ZNF397: variants seen among roughly 807,000 people sequenced by gnomAD.
The protein encoded by ZNF397 is zinc finger and SCAN domain-containing protein 15.
ZNF397 carries 38 observed loss-of-function variants against 50.6 expected under a neutral mutation model. The ratio of observed to expected loss-of-function variants is 0.75; its 90% CI spans 0.58 to 0.98. The LOEUF (loss-of-function observed/expected upper bound fraction) is 0.98. Ranked by LOEUF, ZNF397 falls within the 50% of genes least tolerant of loss-of-function variation. The probability of loss-of-function intolerance (pLI) is 0.00; values close to 1 mark genes in which losing one functional copy is unlikely to be tolerated. For synonymous variants in ZNF397, 228 were observed against 215.2 expected (o/e 1.06, Z -0.52); for missense variants, 624 against 624.1 (o/e 1.00, Z 0.00).
chr18:35,252,735 C>G (rs1447244482), downstream of ZNF397: 7 of 152,172 alleles, frequency 4.6e-5, no homozygotes, highest in Admixed American at 4.6e-4. Context: ...ACTTACCACA[C>G]TTTACTGTAA....
Position 35,248,703 on chromosome 18 carries a change from G to A in ZNF397, c.*2393G>A, listed in dbSNP as rs953611819. The A allele has an allele frequency of 4.6e-5, 7 of 152,180 alleles. No individual in the cohort carries two copies. Among genetic ancestry groups the A allele is most frequent in the Middle Eastern group, 3.4e-3 (1 of 294 alleles). 9.4% of individuals were successfully genotyped at this position (152,180 alleles called of 1,614,324 possible). ...AAAAAATAAACAGAATTTGCCAGAC[G>A]TGGTAGTGCATGCCTGTAGACCCAA... On this transcript the variant is annotated 3_prime_UTR_variant, in exon 4 of 4. Coordinates refer to ENST00000330501, the MANE Select transcript of ZNF397 (RefSeq NM_001135178.3).
chr18:35,245,864 CA>C lies in ZNF397; in HGVS notation c.1160del (p.His387LeufsTer54). ...AFSQSSYLII[H>X]QRIHTGEKPY... is the part of the protein sequence containing the mutation. ...CAGTCAAAGTTCATATCTCATTATA[CA>C]TCAAAGAATTCACACTGGTGAGAAA... On this transcript the variant is annotated frameshift_variant, in exon 4 of 4. Transcript: ENST00000330501. LOFTEE classifies it high-confidence loss of function. The C allele has an allele frequency of 6.4e-7, 1 of 1,554,948 alleles. No homozygotes were observed. Among genetic ancestry groups the C allele is most frequent in the Non-Finnish European group, 8.7e-7 (1 of 1,148,946 alleles).
At chr18:35,258,043 A>T (rs1037119979) in exon 6 of ZNF397, 2 of 777,560 alleles carry the variant, frequency 2.6e-6, no homozygotes, top group African/African-American at 3.4e-5. Context: ...GAAACTTATA[A>T]CTCAAGGTTG....
intron 3 of ZNF397, among the ~76,000 whole-genome samples, chr18:35,245,019 GA>G (rs1233873633): frequency 6.6e-6 from 1 of 151,976 alleles, no homozygotes; most frequent in East Asian, 1.9e-4. Flanking sequence ...GTAAATAGTA[GA>G]AAAAAATTGT....
rs892226643 is a variant in ZNF397 at position 35,247,638 on chromosome 18, T to G, written c.*1328T>G. Reference sequence around the variant, plus strand: ...CGCACATGTTCAGTTTTGTCTTATGTCACCAGTATTTCACAATATCTTTTG... The same window carrying G: ...CGCACATGTTCAGTTTTGTCTTATGGCACCAGTATTTCACAATATCTTTTG... On this transcript the variant is annotated 3_prime_UTR_variant, in exon 4 of 4. Transcript: ENST00000330501. The G allele has an allele frequency of 4.0e-5, 6 of 149,722 alleles. No individual in the cohort carries two copies. The highest frequency in any genetic ancestry group is 2.5e-5 in the African/African-American group (1 of 40,530). 9.3% of individuals were successfully genotyped at this position (149,722 alleles called of 1,614,324 possible).
intron 5 of ZNF397, among the ~76,000 whole-genome samples, chr18:35,255,583 T>C (rs2043778902): frequency 6.6e-6 from 1 of 152,120 alleles, no homozygotes; most frequent in South Asian, 2.1e-4. Flanking sequence ...AAACAAAATA[T>C]AACTTAAAAA....
chr18:35,258,004 A>G (rs2043898898), exon 6 of ZNF397: 3 of 780,932 alleles, frequency 3.8e-6, no homozygotes, highest in South Asian at 1.3e-5. Flanking sequence ...CTGGCAAGGC[A>G]TATCATGAGG....
chr18:35,257,990 A>G (rs1464995958), exon 6 of ZNF397: 1 of 780,904 alleles, frequency 1.3e-6, no homozygotes, highest in African/African-American at 1.7e-5. Flanking sequence ...CTCAGGCGCT[A>G]CTTCTGGCAA....
intron 3 of ZNF397, 132 bp from the exon 4 acceptor site, chr18:35,245,130 C>A: frequency 8.3e-7 from 1 of 1,198,202 alleles, no homozygotes; most frequent in Non-Finnish European, 1.1e-6. Context: ...CCTCTTTTGG[C>A]CAGTTGAAAA....
rs1252179010 is a variant in ZNF397, at chr18:35,241,474, C to T, written c.-81+365C>T. The T allele has an allele frequency of 2.6e-5, 4 of 152,244 alleles. No individual in the cohort carries two copies. The South Asian group carries it at 6.2e-4, about 24-fold the overall frequency. 9.4% of individuals were successfully genotyped at this position (152,244 alleles called of 1,614,324 possible). A position where few individuals can be genotyped will look rare whatever the true frequency, so the allele number is the denominator to read the frequency against. ...AGTGTGAGGAATGAATTTTACTCATCTGTCCTGACAAACTAAGGGCATACA... is the reference window on the plus strand; with the variant it reads ...AGTGTGAGGAATGAATTTTACTCATTTGTCCTGACAAACTAAGGGCATACA... On this transcript the variant is annotated intron_variant, in intron 1 of 3. Coordinates refer to ENST00000330501, the MANE Select transcript of ZNF397 (RefSeq NM_001135178.3).
In ZNF397 at chr18:35,248,482, A is replaced by G. The variant is rs966225133; in HGVS notation, c.*2172A>G. ...TGAACAAACTGAAAAGGTAGGACGT[A>G]AAGTAGGAATTGTAAAACGGAAATA... On this transcript the variant is annotated 3_prime_UTR_variant, in exon 4 of 4. Coordinates refer to ENST00000330501, the MANE Select transcript of ZNF397 (RefSeq NM_001135178.3). The G allele has an allele frequency of 2.0e-5, 3 of 152,232 alleles. No homozygotes were observed. The highest frequency in any genetic ancestry group is 3.9e-4 in the East Asian group (2 of 5,194). The allele number at this position is 152,232 out of a possible 1,614,324, so 9.4% of individuals were successfully genotyped here. A position where few individuals can be genotyped will look rare whatever the true frequency, so the allele number is the denominator to read the frequency against.
Position 35,243,395 on chromosome 18 carries a change from A to G in ZNF397, c.556+102A>G, listed in dbSNP as rs1477947050. ...GACAAACTTGCCACATGTGAGCATC[A>G]CCTTTATTATTCTAAACCAGAGGTG... On this transcript the variant is annotated intron_variant, in intron 3 of 3. Transcript: ENST00000330501. 11 of 1,555,096 alleles carry G rather than the reference A, an allele frequency of 7.1e-6. 1 individual carries two copies. Among genetic ancestry groups the G allele is most frequent in the Middle Eastern group, 1.7e-4 (1 of 5,958 alleles).
chr18:35,251,687 T>A (rs916377219), downstream of ZNF397: 10 of 152,164 alleles, frequency 6.6e-5, no homozygotes, highest in Non-Finnish European at 1.3e-4. Flanking sequence ...TCCCCTGCAC[T>A]CTCTCTTGCC....
At chr18:35,250,298 A>G (rs954520576), downstream of ZNF397, among the ~76,000 whole-genome samples, 1 of 152,206 alleles carries the variant, frequency 6.6e-6, no homozygotes, top group African/African-American at 2.4e-5. Flanking sequence ...CTTATGGTCA[A>G]AACTTCAACA....
chr18:35,242,548 A>G lies in ZNF397; in HGVS notation c.78A>G (p.Val26=). 6.2e-7 allele frequency: 1 copy of G among 1,614,250 alleles called. No homozygotes were observed. The highest frequency in any genetic ancestry group is 8.5e-7 in the Non-Finnish European group (1 of 1,180,044). Residue 26 remains valine, a synonymous_variant, in exon 2 of 4, where the codon GTA becomes GTG. Transcript: ENST00000330501. ...PPEQELILVK[V]EDNFSWDEKF... is the part of the protein sequence containing the mutation. Reference sequence around the variant, plus strand: ...AACAAGAACTAATACTAGTGAAAGTAGAAGATAACTTTTCCTGGGATGAGA... The same window carrying G: ...AACAAGAACTAATACTAGTGAAAGTGGAAGATAACTTTTCCTGGGATGAGA...
At chr18:35,257,849 C>A in intron 5 of ZNF397, 3 of 780,056 alleles carry the variant, frequency 3.8e-6, no homozygotes, top group Non-Finnish European at 7.2e-6. Flanking sequence ...AGGATTAGAC[C>A]AAGCCTAGAC....
intron 3 of ZNF397, 137 bp downstream of exon 3, chr18:35,243,430 G>T (rs1162548491): frequency 7.7e-7 from 1 of 1,291,026 alleles, no homozygotes; most frequent in Admixed American, 1.8e-5. Flanking sequence ...GCTCGCTTTA[G>T]CGGCTTTGTA....
Position 35,246,689 on chromosome 18 carries a change from G to C in ZNF397, c.*379G>C. On this transcript the variant is annotated 3_prime_UTR_variant, in exon 4 of 4. Transcript: ENST00000330501. ...ATGGGGCTGGTGTGGACTGTGTGAGGCACTTCGTCTCAGGAACTAAAAAAA... is the reference window on the plus strand; with the variant it reads ...ATGGGGCTGGTGTGGACTGTGTGAGCCACTTCGTCTCAGGAACTAAAAAAA... 10 of 991,666 alleles carry C rather than the reference G, an allele frequency of 1.0e-5. No homozygotes were observed. Among genetic ancestry groups the C allele is most frequent in the Non-Finnish European group, 1.2e-5 (10 of 835,014 alleles). The allele number at this position is 991,666 out of a possible 1,614,324, so 61.4% of individuals were successfully genotyped here.
chr18:35,242,783 G>A lies in ZNF397; in HGVS notation c.313G>A (p.Glu105Lys). ...GCAGTTCCTGAGCATTCTGCCTGAG[G>A]AGCTGCAGATCTGGGTTCAGCAACA... is the stretch of plus-strand genomic sequence containing the variant. ...LEQFLSILPE[E>K]LQIWVQQHNP... Residue 105 changes from glutamate (E) to lysine (K), a missense_variant, in exon 2 of 4, where the codon GAG becomes AAG. Transcript: ENST00000330501. 6.2e-7 allele frequency: 1 copy of A among 1,614,198 alleles called. No individual in the cohort carries two copies. Among genetic ancestry groups the A allele is most frequent in the Non-Finnish European group, 8.5e-7 (1 of 1,180,038 alleles).
Sources: allele counts gnomAD v4.1 joint callset (sites outside exome capture counted in the v4.1 genomes callset), GRCh38; gene constraint gnomAD v4.1.1; transcripts MANE v1.5; gene names NCBI Gene and HGNC (gene_info 2026-07-23, HGNC 2026-07-21).